LTBP1: variants seen among roughly 807,000 people sequenced by gnomAD.
The protein encoded by LTBP1 is latent transforming growth factor beta binding protein 1.
LTBP1 carries 129 observed loss-of-function variants against 207.6 expected under a neutral mutation model. The ratio of observed to expected loss-of-function variants is 0.62; its 90% confidence interval spans 0.54 to 0.72. The LOEUF is 0.72. Among genes scored for constraint, LTBP1 ranks in the 30% least tolerant of loss-of-function variants. The pLI, the probability that LTBP1 is intolerant of heterozygous loss-of-function variation, is 0.00. For synonymous variants in LTBP1, 963 were observed against 833.7 expected, an observed-to-expected ratio of 1.16 and a Z score of -2.67; for missense variants, 2,281 against 2,217.2, an observed-to-expected ratio of 1.03 and a Z score of -0.58.
At position 33,394,768 on chromosome 2, in the gene LTBP1, G is replaced by A. The variant is rs142371141; in HGVS notation, c.4835-2365G>A. Among the ~76,000 whole-genome samples the A allele has an allele frequency of 3.5e-3, 534 of 152,302 alleles. 3 individuals are homozygous for A. The highest frequency in any genetic ancestry group is 0.012 in the African/African-American group (504 of 41,568). On this transcript the variant is annotated intron_variant, in intron 32 of 33. Coordinates refer to ENST00000404816, the MANE Select transcript of LTBP1 (RefSeq NM_206943.4). ...CCTCCAGCTTTGTTCTTTTGGCTTA[G>A]GATTGTCTTGGCAATGCAGGCTCTT...
chr2:33,283,134 T>A (rs368418088), intron 19 of LTBP1, among the ~76,000 whole-genome samples: 1 of 150,878 alleles, frequency 6.6e-6, no homozygotes, highest in South Asian at 2.1e-4. Flanking sequence ...AGTTATACTC[T>A]AGTGCTTACG....
At chr2:33,372,397 A>G (rs1558313948) in intron 31 of LTBP1, among the ~76,000 whole-genome samples, 2 of 152,228 alleles carry the variant, frequency 1.3e-5, no homozygotes, top group African/African-American at 4.8e-5. Context: ...GCATAATAAG[A>G]GGCAATGTGT....
intron 32 of LTBP1, among the ~76,000 whole-genome samples, chr2:33,396,907 T>C (rs1442440069): frequency 6.6e-6 from 1 of 152,192 alleles, no homozygotes; most frequent in Non-Finnish European, 1.5e-5. Context: ...ACATAGAATA[T>C]CAGAATTCAA....
intron 31 of LTBP1, among the ~76,000 whole-genome samples, chr2:33,368,361 T>C (rs1201512775): frequency 1.3e-5 from 2 of 152,300 alleles, no homozygotes; most frequent in East Asian, 1.9e-4. Context: ...CATTCCTCCA[T>C]TGGTGGATAC....
chr2:33,091,015 T>C (rs1437428694), intron 3 of LTBP1, among the ~76,000 whole-genome samples: 1 of 152,246 alleles, frequency 6.6e-6, no homozygotes, highest in Admixed American at 6.5e-5. Flanking sequence ...GACTTCTTCA[T>C]GCCCCATGCT....
intron 4 of LTBP1, among the ~76,000 whole-genome samples, chr2:33,116,470 A>G (rs1044506718): frequency 1.3e-5 from 2 of 152,242 alleles, no homozygotes; most frequent in Non-Finnish European, 2.9e-5. Context: ...TGGCTCTTAA[A>G]AAAATGTACC....
chr2:32,976,200 C>CA (rs1446777480), intron 2 of LTBP1, among the ~76,000 whole-genome samples: 1 of 152,190 alleles, frequency 6.6e-6, no homozygotes, highest in Non-Finnish European at 1.5e-5. Flanking sequence ...ATGGGGCCCC[C>CA]AGCTTTGTTC....
chr2:33,249,695 T>TTTATGC (rs1055734612), intron 10 of LTBP1, among the ~76,000 whole-genome samples: 1 of 152,192 alleles, frequency 6.6e-6, no homozygotes, highest in African/African-American at 2.4e-5. Flanking sequence ...TTCAGTAGGT[T>TTTATGC]TTATGCTTCT....
intron 31 of LTBP1, among the ~76,000 whole-genome samples, chr2:33,384,725 T>G (rs1035076420): frequency 6.6e-6 from 1 of 152,190 alleles, no homozygotes; most frequent in African/African-American, 2.4e-5. Flanking sequence ...GGAAATAGTT[T>G]AGGGATCTGC....
At chr2:33,203,846 A>G (rs1175082322) in intron 7 of LTBP1, among the ~76,000 whole-genome samples, 1 of 152,194 alleles carries the variant, frequency 6.6e-6, no homozygotes, top group African/African-American at 2.4e-5. Flanking sequence ...GTAAGATTTT[A>G]TGGTCACTGT....
intron 24 of LTBP1, among the ~76,000 whole-genome samples, chr2:33,328,390 T>C (rs1438378144): frequency 6.6e-6 from 1 of 152,150 alleles, no homozygotes; most frequent in Non-Finnish European, 1.5e-5. Context: ...TGTTCTCTGC[T>C]AGAACACTGC....
intron 9 of LTBP1, among the ~76,000 whole-genome samples, chr2:33,235,949 C>T (rs768356692): frequency 6.6e-6 from 1 of 152,088 alleles, no homozygotes. Context: ...AAATACCTAA[C>T]GTAGATGGCG....
chr2:33,096,053 A>G (rs992559664), intron 3 of LTBP1, among the ~76,000 whole-genome samples: 4 of 152,146 alleles, frequency 2.6e-5, no homozygotes, highest in Non-Finnish European at 2.9e-5. Flanking sequence ...GGCAAGATTA[A>G]TAAAAAGGAA....
At chr2:33,156,173 A>G (rs565495616) in intron 5 of LTBP1, among the ~76,000 whole-genome samples, 5 of 152,228 alleles carry the variant, frequency 3.3e-5, no homozygotes, top group Admixed American at 1.3e-4. Context: ...AGGCCCGAAG[A>G]GGTTAAGTCA....
chr2:33,155,706 C>T (rs1245356263), intron 5 of LTBP1, among the ~76,000 whole-genome samples: 1 of 152,098 alleles, frequency 6.6e-6, no homozygotes, highest in Non-Finnish European at 1.5e-5. Context: ...TTTCCCACTG[C>T]ACTTCTGGTG....
chr2:33,174,908 A>G (rs2085867842), intron 5 of LTBP1, among the ~76,000 whole-genome samples: 1 of 111,768 alleles, frequency 8.9e-6, no homozygotes, highest in Admixed American at 9.0e-5. Context: ...CAATGGGGAA[A>G]GGATTCCCTA....
chr2:33,153,809 T>C (rs2083732086), intron 5 of LTBP1, among the ~76,000 whole-genome samples: 1 of 152,238 alleles, frequency 6.6e-6, no homozygotes, highest in Non-Finnish European at 1.5e-5. Flanking sequence ...GAGCATTCTT[T>C]AGCAGTCAAA....
At chr2:32,969,713 G>T (rs541843073) in intron 2 of LTBP1, among the ~76,000 whole-genome samples, 4 of 152,074 alleles carry the variant, frequency 2.6e-5, no homozygotes, top group African/African-American at 9.7e-5. Context: ...ATTTGCTATC[G>T]TGAATAGTGC....
Position 33,309,949 on chromosome 2 carries a change from CT to C in LTBP1, c.3604+408del, listed in dbSNP as rs397984258. On this transcript the variant is annotated intron_variant, in intron 23 of 33. Transcript: ENST00000404816. ...TATTTTTATCCAGTGCCCGCCATTG[CT>C]TTTTTTTTTTTTTTGAGACAGAGTC... Among the ~76,000 whole-genome samples, 980 of 136,300 alleles carry C rather than the reference CT, an allele frequency of 7.2e-3. 8 individuals carry two copies. The highest frequency in any genetic ancestry group is 0.022 in the African/African-American group (822 of 36,868). The allele number at this position is 136,300 out of a possible 152,430, so 89.4% of individuals were successfully genotyped here.
Sources: gnomAD v4.1 joint callset for allele counts (sites outside exome capture counted in the v4.1 genomes callset) on GRCh38, gnomAD v4.1.1 for gene constraint, MANE v1.5 for transcripts, NCBI Gene and HGNC (gene_info 2026-07-23, HGNC 2026-07-21) for gene names.